CLASP1: variants seen among roughly 807,000 people sequenced by gnomAD.
CLASP1 encodes the protein cytoplasmic linker associated protein 1.
CLASP1 carries 38 observed loss-of-function variants against 192.3 expected under a neutral mutation model. That is an observed-to-expected ratio of 0.20 (90% confidence interval 0.15 to 0.26). The LOEUF is 0.26. CLASP1 is among the 10% of genes least tolerant of loss of function. CLASP1 has a pLI of 1.00. For missense variants in CLASP1, 1,433 were observed against 1,932.5 expected (o/e 0.74, Z 4.85); for synonymous variants, 691 against 712.8 (o/e 0.97, Z 0.49).
intron 1 of CLASP1, among the ~76,000 whole-genome samples, chr2:121,614,583 C>T (rs923443401): frequency 6.6e-6 from 1 of 152,104 alleles, no homozygotes; most frequent in Non-Finnish European, 1.5e-5. Context: ...AATACTGTGA[C>T]GTGTTTTTCA....
In CLASP1 at chr2:121,525,845, C is replaced by CT; in HGVS notation, c.545dup (p.Val183GlyfsTer26). On this transcript the variant is annotated frameshift_variant and splice_region_variant, in exon 6 of 40. Coordinates refer to ENST00000263710, the Ensembl canonical transcript of CLASP1. LOFTEE classifies it high-confidence loss of function. ...CCCGAGGGTTTTCCTTCTCACTCACCTGGCTGTTTGGATCTCCAAGTAAGT... is the reference window on the plus strand; with the variant it reads ...CCCGAGGGTTTTCCTTCTCACTCACCTTGGCTGTTTGGATCTCCAAGTAAGT... 1 of 1,610,296 alleles carries CT rather than the reference C, an allele frequency of 6.2e-7. No homozygotes were observed. Among genetic ancestry groups the CT allele is most frequent in the South Asian group, 1.1e-5 (1 of 90,704 alleles).
chr2:121,596,483 A>G (rs2063157026), intron 2 of CLASP1, among the ~76,000 whole-genome samples: 2 of 152,336 alleles, frequency 1.3e-5, no homozygotes, highest in South Asian at 4.1e-4. Flanking sequence ...ACCTCGATGA[A>G]AGCCAAGGTT....
chr2:121,469,961 C>A lies in CLASP1; in HGVS notation c.713-1G>T. The A allele has an allele frequency of 1.2e-6, 2 of 1,610,968 alleles. No individual in the cohort carries two copies. The highest frequency in any genetic ancestry group is 2.2e-5 in the South Asian group (2 of 90,606). On this transcript the variant is annotated splice_acceptor_variant, in intron 8 of 39. Transcript: ENST00000263710. LOFTEE classifies it high-confidence loss of function. ...GAATCTTCATCGTCGAAATTTTTAT[C>A]TGAACAGTAAGCACAGAAACCAACG...
At chr2:121,455,097 ACC>A (rs1383128780) in intron 14 of CLASP1, among the ~76,000 whole-genome samples, 2 of 152,062 alleles carry the variant, frequency 1.3e-5, no homozygotes, top group African/African-American at 4.8e-5. Context: ...TTCCACTCTA[ACC>A]CCAGGAGAAG....
chr2:121,347,073 G>A (rs1292671087), exon 39 of CLASP1: 2 of 1,583,706 alleles, frequency 1.3e-6, no homozygotes, highest in Non-Finnish European at 1.7e-6. Flanking sequence ...TGAGGTTTCA[G>A]GTCTTCTCCG....
intron 1 of CLASP1, among the ~76,000 whole-genome samples, chr2:121,645,144 C>G (rs1036784002): frequency 1.3e-5 from 2 of 152,152 alleles, no homozygotes; most frequent in African/African-American, 4.8e-5. Context: ...GATGTCTCTT[C>G]AACTGTACCC....
chr2:121,601,937 G>A (rs1215912745), intron 2 of CLASP1, among the ~76,000 whole-genome samples: 2 of 152,100 alleles, frequency 1.3e-5, no homozygotes, highest in Non-Finnish European at 2.9e-5. Context: ...CACTTTGGGA[G>A]GCCAAGACGG....
intron 19 of CLASP1, among the ~76,000 whole-genome samples, chr2:121,434,007 G>A: frequency 6.6e-6 from 1 of 152,078 alleles, no homozygotes; most frequent in East Asian, 1.9e-4. Context: ...CAACTTGTGT[G>A]CGAAACCATC....
intron 29 of CLASP1, among the ~76,000 whole-genome samples, chr2:121,397,651 G>A (rs1022955044): frequency 4.6e-5 from 7 of 152,158 alleles, no homozygotes; most frequent in African/African-American, 1.2e-4. Flanking sequence ...TTTGTCACAC[G>A]TTCTAGGCCA....
At chr2:121,551,014 A>C (rs2057992138) in intron 2 of CLASP1, among the ~76,000 whole-genome samples, 1 of 152,244 alleles carries the variant, frequency 6.6e-6, no homozygotes, top group Admixed American at 6.5e-5. Context: ...CAAAAAGCTA[A>C]TTCACTATGA....
intron 1 of CLASP1, among the ~76,000 whole-genome samples, chr2:121,606,558 G>A (rs1350749240): frequency 6.6e-6 from 1 of 152,166 alleles, no homozygotes; most frequent in Non-Finnish European, 1.5e-5. Flanking sequence ...TGTAGGTACT[G>A]CAGCTTACTG....
intron 20 of CLASP1, among the ~76,000 whole-genome samples, chr2:121,427,852 A>T (rs1474454459): frequency 1.3e-5 from 2 of 152,182 alleles, no homozygotes; most frequent in African/African-American, 4.8e-5. Context: ...AACCTCAAAT[A>T]TTTAAAATAT....
intron 33 of CLASP1, among the ~76,000 whole-genome samples, chr2:121,380,861 G>A (rs1393031146): frequency 1.3e-5 from 2 of 152,108 alleles, no homozygotes; most frequent in Admixed American, 6.5e-5. Flanking sequence ...AATATGTATC[G>A]TGTATGTATG....
chr2:121,436,500 T>C (rs2082341547), intron 19 of CLASP1, among the ~76,000 whole-genome samples: 1 of 149,502 alleles, frequency 6.7e-6, no homozygotes, highest in South Asian at 2.2e-4. Flanking sequence ...AATTTCCACC[T>C]CCCAGGTTCA....
chr2:121,611,859 A>C (rs1283554711), intron 1 of CLASP1, among the ~76,000 whole-genome samples: 5 of 148,204 alleles, frequency 3.4e-5, no homozygotes, highest in Admixed American at 3.3e-4. Context: ...TGGAGGAGTT[A>C]CAGGATAAAG....
intron 9 of CLASP1, among the ~76,000 whole-genome samples, chr2:121,467,647 G>C (rs947554934): frequency 2.0e-5 from 3 of 152,034 alleles, no homozygotes; most frequent in Non-Finnish European, 4.4e-5. Flanking sequence ...TTTTAATGGG[G>C]TTGTTTTTTC....
chr2:121,635,931 G>C (rs1466022847), intron 1 of CLASP1, among the ~76,000 whole-genome samples: 3 of 152,230 alleles, frequency 2.0e-5, no homozygotes, highest in Non-Finnish European at 4.4e-5. Context: ...GCCAGGCGCA[G>C]TGGCTCACGC....
intron 22 of CLASP1, among the ~76,000 whole-genome samples, chr2:121,419,157 T>C (rs777279803): frequency 2.6e-4 from 40 of 152,138 alleles, no homozygotes; most frequent in Non-Finnish European, 8.8e-5. Flanking sequence ...GGTAATTTAA[T>C]TTGGATTAAC....
chr2:121,602,447 GA>G (rs1218860906), intron 2 of CLASP1, among the ~76,000 whole-genome samples: 2 of 151,606 alleles, frequency 1.3e-5, no homozygotes, highest in East Asian at 1.9e-4. Flanking sequence ...CACAGAAATA[GA>G]AAAAAAAGTC....
Sources: allele counts gnomAD v4.1 joint callset (sites outside exome capture counted in the v4.1 genomes callset), GRCh38; gene constraint gnomAD v4.1.1; transcripts MANE v1.5; gene names NCBI Gene and HGNC (gene_info 2026-07-23, HGNC 2026-07-21).